Variants in CLASP2 observed in about 807,000 individuals in gnomAD.
The protein encoded by CLASP2 is cytoplasmic linker associated protein 2, also known as CLIP-associating protein 2.
In CLASP2, 47 loss-of-function variants were observed where a neutral mutation model predicts 194.4. The observed-to-expected ratio is 0.24, with a 90% confidence interval of 0.19 to 0.31. CLASP2 has a LOEUF of 0.31. Among genes scored for constraint, CLASP2 ranks in the 10% least tolerant of loss-of-function variants. The pLI, the probability that CLASP2 is intolerant of heterozygous loss-of-function variation, is 1.00. For synonymous variants in CLASP2, 619 were observed against 633.5 expected, an observed-to-expected ratio of 0.98 and a Z score of 0.34; for missense variants, 1,445 against 1,823.6, an observed-to-expected ratio of 0.79 and a Z score of 3.78.
intron 6 of CLASP2, 23 bp downstream of exon 6, chr3:33,684,334 AAG>A: frequency 7.0e-7 from 1 of 1,427,976 alleles, no homozygotes; most frequent in Non-Finnish European, 9.6e-7. Context: ...AAAAAAAAAA[AAG>A]AACCAAATTT....
chr3:33,629,989 T>C (rs1300209565), intron 9 of CLASP2, among the ~76,000 whole-genome samples: 2 of 152,050 alleles, frequency 1.3e-5, no homozygotes, highest in African/African-American at 4.8e-5. Flanking sequence ...CGTGCAGAAG[T>C]AGTTGTTAGA....
intron 7 of CLASP2, among the ~76,000 whole-genome samples, chr3:33,663,130 G>C (rs1357743378): frequency 6.7e-6 from 1 of 148,944 alleles, no homozygotes; most frequent in African/African-American, 2.5e-5. Context: ...TTGTATGCAT[G>C]GAAAATGGAG....
At chr3:33,536,021 T>C (rs1274609558) in intron 33 of CLASP2, among the ~76,000 whole-genome samples, 1 of 152,104 alleles carries the variant, frequency 6.6e-6, no homozygotes, top group Admixed American at 6.6e-5. Context: ...AATATGAATA[T>C]TGATACAAAT....
At chr3:33,619,435 T>C (rs2076758472) in intron 12 of CLASP2, among the ~76,000 whole-genome samples, 168 bp downstream of exon 12, 2 of 150,024 alleles carry the variant, frequency 1.3e-5, no homozygotes, top group South Asian at 4.2e-4. Context: ...TGGCTTTCAC[T>C]ATCAGAAAAA....
intron 34 of CLASP2, among the ~76,000 whole-genome samples, chr3:33,524,810 C>T (rs1463779650): frequency 1.3e-5 from 2 of 151,978 alleles, no homozygotes; most frequent in East Asian, 1.9e-4. Flanking sequence ...TAATGACAGA[C>T]CATCAAAATA....
intron 7 of CLASP2, among the ~76,000 whole-genome samples, chr3:33,653,476 G>A (rs1449179866): frequency 1.3e-5 from 2 of 151,934 alleles, no homozygotes; most frequent in Admixed American, 6.6e-5. Context: ...AGCCTTAAGA[G>A]GTATATCAAC....
At position 33,718,195 on chromosome 3, in the gene CLASP2, G is replaced by GC. The variant is rs1157935396; in HGVS notation, c.-194dup. Reference sequence around the variant, plus strand: ...CGCCCCCAAACTAGTCAAACTCGGCGCCCCCCGATCCCCAGCCCGCTTCAG... The same window carrying GC: ...CGCCCCCAAACTAGTCAAACTCGGCGCCCCCCCGATCCCCAGCCCGCTTCAG... On this transcript the variant is annotated 5_prime_UTR_variant, in exon 1 of 39. Coordinates refer to ENST00000682230, the MANE Select transcript of CLASP2 (RefSeq NM_001365631.1). 7.6e-6 allele frequency: 3 copies of GC among 394,404 alleles called. No homozygotes were observed. The highest frequency in any genetic ancestry group is 9.5e-5 in the Admixed American group (2 of 21,112). The allele number at this position is 394,404 out of a possible 1,614,324, so 24.4% of individuals were successfully genotyped here. A position where few individuals can be genotyped will look rare whatever the true frequency, so the allele number is the denominator to read the frequency against.
chr3:33,627,480 T>C (rs2078257155), intron 9 of CLASP2, among the ~76,000 whole-genome samples: 1 of 152,142 alleles, frequency 6.6e-6, no homozygotes, highest in Admixed American at 6.6e-5. Flanking sequence ...TTTAATTTTC[T>C]CTCCTCAGTC....
chr3:33,659,470 C>T, intron 7 of CLASP2: 6 of 925,260 alleles, frequency 6.5e-6, no homozygotes, highest in Non-Finnish European at 7.7e-6. Flanking sequence ...AACTGATTTG[C>T]GCCTTTTTAA....
intron 6 of CLASP2, among the ~76,000 whole-genome samples, chr3:33,668,731 C>A (rs920117146): frequency 1.3e-5 from 2 of 152,180 alleles, no homozygotes; most frequent in African/African-American, 4.8e-5. Flanking sequence ...GAGTCCTCCA[C>A]TGCCTACTAC....
rs1576785703 is a variant in CLASP2 at position 33,584,876 on chromosome 3, C to G, written c.2113G>C (p.Ala705Pro). ...ACACCAGAGCTCACAGTGGACAGGGCTGTTGTGGTCAGAACTCTTCCTGGA... is the reference window on the plus strand; with the variant it reads ...ACACCAGAGCTCACAGTGGACAGGGGTGTTGTGGTCAGAACTCTTCCTGGA... ...GSPGRVLTTTALSTVSSGVQR... is the reference protein window; with the variant it reads ...GSPGRVLTTTPLSTVSSGVQR... The change falls in exon 22 of 39, where the codon GCC (alanine) becomes CCC (proline). Residue 705 changes from alanine to proline, a missense_variant. Physicochemically the swap from Ala to Pro is conservative, Grantham distance 27 (BLOSUM62 -1). Transcript: ENST00000682230. 1 of 1,613,722 alleles carries G rather than the reference C, an allele frequency of 6.2e-7. No individual in the cohort carries two copies. The highest frequency in any genetic ancestry group is 8.5e-7 in the Non-Finnish European group (1 of 1,179,824).
At chr3:33,669,548 G>C (rs2086774855) in intron 6 of CLASP2, among the ~76,000 whole-genome samples, 1 of 150,364 alleles carries the variant, frequency 6.7e-6, no homozygotes, top group Admixed American at 6.6e-5. Context: ...ATATAAAAAA[G>C]TTCTACAAAT....
intron 29 of CLASP2, among the ~76,000 whole-genome samples, chr3:33,553,477 T>C (rs543653493): frequency 6.8e-4 from 104 of 152,128 alleles, no homozygotes; most frequent in Non-Finnish European, 1.2e-3. Flanking sequence ...ACATTCAAAA[T>C]ATATAAGAAA....
chr3:33,507,996 T>A lies in CLASP2; in HGVS notation c.4317+2562A>T, dbSNP rs544426803. On this transcript the variant is annotated intron_variant, in intron 37 of 38. Coordinates refer to ENST00000682230, the MANE Select transcript of CLASP2 (RefSeq NM_001365631.1). ...TGTGTGTGTGTGTATATATATAATA[T>A]ATATATATATTTTTTGGAGACAGGC... is the stretch of plus-strand genomic sequence containing the variant. 2.1e-4 allele frequency among the ~76,000 whole-genome samples: 32 copies of A among 150,592 alleles called. 1 individual carries two copies. The South Asian group carries it at 4.8e-3, about 23-fold the overall frequency.
intron 10 of CLASP2, among the ~76,000 whole-genome samples, chr3:33,626,566 T>C (rs1290398583): frequency 6.6e-6 from 1 of 152,094 alleles, no homozygotes; most frequent in Non-Finnish European, 1.5e-5. Context: ...CCCAGATAAA[T>C]GCATATCCTG....
At chr3:33,616,814 T>C (rs1175364239) in intron 12 of CLASP2, among the ~76,000 whole-genome samples, 1 of 146,370 alleles carries the variant, frequency 6.8e-6, no homozygotes, top group Non-Finnish European at 1.5e-5. Context: ...CTCGGCTCAC[T>C]GCAACCTCCC....
intron 34 of CLASP2, among the ~76,000 whole-genome samples, chr3:33,522,681 G>A (rs914125233): frequency 3.3e-5 from 5 of 152,136 alleles, no homozygotes; most frequent in Non-Finnish European, 7.4e-5. Context: ...TGAAAATAAT[G>A]TATGAACAAA....
chr3:33,679,837 A>C lies in CLASP2; in HGVS notation c.644+4522T>G, dbSNP rs937515151. Among the ~76,000 whole-genome samples the C allele has an allele frequency of 6.6e-5, 10 of 152,358 alleles. No individual in the cohort carries two copies. The East Asian group carries it at 1.9e-3, about 29-fold the overall frequency. On this transcript the variant is annotated intron_variant, in intron 6 of 38. Coordinates refer to ENST00000682230, the MANE Select transcript of CLASP2 (RefSeq NM_001365631.1). Reference sequence around the variant, plus strand: ...AGACAGTCTGGCAACTTCTTACAAAATTAAACATACTCTTACCATGCAACA... The same window carrying C: ...AGACAGTCTGGCAACTTCTTACAAACTTAAACATACTCTTACCATGCAACA...
intron 30 of CLASP2, among the ~76,000 whole-genome samples, chr3:33,548,161 T>C (rs1404116872): frequency 6.6e-6 from 1 of 152,156 alleles, no homozygotes; most frequent in Non-Finnish European, 1.5e-5. Flanking sequence ...TTTTGGTAGT[T>C]TGTATTTTTC....
Sources: gnomAD v4.1 joint callset for allele counts (sites outside exome capture counted in the v4.1 genomes callset) on GRCh38, gnomAD v4.1.1 for gene constraint, MANE v1.5 for transcripts, NCBI Gene and HGNC (gene_info 2026-07-23, HGNC 2026-07-21) for gene names.